The following MYOM1 variants were observed in gnomAD, a reference collection of about 807,000 sequenced individuals.
MYOM1 encodes myomesin-1.
In MYOM1, 164 loss-of-function variants were observed where a neutral mutation model predicts 205.3. The ratio of observed to expected loss-of-function variants is 0.80; its 90% CI spans 0.70 to 0.91. MYOM1 has a LOEUF of 0.91. Ranked by LOEUF, MYOM1 falls within the 40% of genes least tolerant of loss-of-function variation. The pLI is 0.00. For synonymous variants in MYOM1, 772 were observed against 789.4 expected, an observed-to-expected ratio of 0.98 and a Z score of 0.37; for missense variants, 2,011 against 2,127.3, an observed-to-expected ratio of 0.95 and a Z score of 1.08.
At chr18:3,129,765 T>C (rs2079849002) in intron 17 of MYOM1, among the ~76,000 whole-genome samples, 1 of 152,126 alleles carries the variant, frequency 6.6e-6, no homozygotes, top group Non-Finnish European at 1.5e-5. Context: ...AAGCCAAAGA[T>C]AGAATAGGAA....
chr18:3,215,131 C>T lies in MYOM1; in HGVS notation c.93G>A (p.Arg31=), dbSNP rs876657536. 5.6e-6 allele frequency: 9 copies of T among 1,613,682 alleles called. No homozygotes were observed. The African/African-American group carries it at 8.0e-5, about 14-fold the overall frequency. Reference sequence around the variant, plus strand: ...TGTAGACGGCGGAGCGTTTCTTCTCCCGCTGGTAGTGACTCACGGTGCTGC... The same window carrying T: ...TGTAGACGGCGGAGCGTTTCTTCTCTCGCTGGTAGTGACTCACGGTGCTGC... The part of the protein sequence containing the change: ...DVRSTVSHYQ[R]EKKRSAVYTQ... Residue 31 remains arginine (R), a synonymous_variant, in exon 2 of 38, where the codon CGG becomes CGA. Transcript: ENST00000356443.
chr18:3,126,663 C>T (rs766023282), intron 19 of MYOM1, 38 bp downstream of exon 19: 2 of 1,578,296 alleles, frequency 1.3e-6, no homozygotes, highest in Admixed American at 1.7e-5. Flanking sequence ...TAGCGTCATA[C>T]ATAGGACACG....
intron 8 of MYOM1, among the ~76,000 whole-genome samples, chr18:3,170,360 C>T (rs2080539192): frequency 6.6e-6 from 1 of 152,096 alleles, no homozygotes; most frequent in Admixed American, 6.6e-5. Flanking sequence ...ACATTGTATG[C>T]TTGTATCTAA....
chr18:3,137,040 T>C (rs2079978342), intron 14 of MYOM1, among the ~76,000 whole-genome samples: 1 of 151,642 alleles, frequency 6.6e-6, no homozygotes, highest in South Asian at 2.1e-4. Flanking sequence ...AAGCTCCGCC[T>C]CCTGGGTTCA....
In MYOM1 at chr18:3,083,854, C is replaced by G; in HGVS notation, c.4419G>C (p.Glu1473Asp). 6.3e-7 allele frequency: 1 copy of G among 1,583,244 alleles called. No individual in the cohort carries two copies. The highest frequency in any genetic ancestry group is 8.6e-7 in the Non-Finnish European group (1 of 1,163,290). The change falls in exon 33 of 38, where the codon GAG (glutamate) becomes GAC (aspartate). Residue 1473 changes from glutamate (E) to aspartate (D), a missense_variant. Transcript: ENST00000356443. Reference protein sequence around the residue: ...ATDLKIQSTAEGIQLYSFVTY... With the variant: ...ATDLKIQSTADGIQLYSFVTY... ...TTACAAAAGAGTACAGTTGGATGCCCTCGGCTGTGCTCTGGATTTTCAGGT... is the reference window on the plus strand; with the variant it reads ...TTACAAAAGAGTACAGTTGGATGCCGTCGGCTGTGCTCTGGATTTTCAGGT...
intron 3 of MYOM1, among the ~76,000 whole-genome samples, chr18:3,191,143 G>A (rs77510043): frequency 0.011 from 1,720 of 152,218 alleles, 36 homozygotes; most frequent in African/African-American, 0.038. Context: ...GTTGACAAAA[G>A]TATACTACTA....
At position 3,132,118 on chromosome 18, in the gene MYOM1, G is replaced by GTATATATATATA. The variant is rs1555621173; in HGVS notation, c.2385-634_2385-623dup. Among the ~76,000 whole-genome samples, 1,230 of 143,388 alleles carry GTATATATATATA rather than the reference G, an allele frequency of 8.6e-3. 17 individuals carry two copies. The highest frequency in any genetic ancestry group is 0.062 in the East Asian group (310 of 4,986). The allele number at this position is 143,388 out of a possible 152,430, so 94.1% of individuals were successfully genotyped here. On this transcript the variant is annotated intron_variant, in intron 16 of 37. Coordinates refer to ENST00000356443, the MANE Select transcript of MYOM1 (RefSeq NM_003803.4). ...TAAAATTATTATTATATATGTGTGT[G>GTATATATATATA]TATATATATATATATATGAGTTATA...
In MYOM1 at chr18:3,173,963, A is replaced by G; in HGVS notation, c.1149T>C (p.Ala383=). 1 of 1,613,512 alleles carries G rather than the reference A, an allele frequency of 6.2e-7. No individual in the cohort carries two copies. The highest frequency in any genetic ancestry group is 8.5e-7 in the Non-Finnish European group (1 of 1,179,526). The stretch of plus-strand genomic sequence containing the variant: ...AGCTGAGGGGCATGGTGGAAGCCCC[A>G]GCGTGGAAGCGAGTCTCATCAAACT... ...KGEFDETRFH[A]GASTMPLSFG... is the part of the protein sequence containing the mutation. The change falls in exon 8 of 38, where the codon GCT becomes GCC. Residue 383 remains alanine (A), a synonymous_variant. Coordinates refer to ENST00000356443, the MANE Select transcript of MYOM1 (RefSeq NM_003803.4).
chr18:3,079,898 A>T (rs1286127852), intron 33 of MYOM1, among the ~76,000 whole-genome samples: 1 of 152,170 alleles, frequency 6.6e-6, no homozygotes, highest in Non-Finnish European at 1.5e-5. Flanking sequence ...CGCCAACACG[A>T]ATGAGGCATG....
At chr18:3,224,978 A>ATTATT in the MYOM1 span, among the ~76,000 whole-genome samples, 1,075 of 127,514 alleles carry the variant, frequency 8.4e-3, 12 homozygotes, top group African/African-American at 0.025. Context: ...TATTAGTATT[A>ATTATT]TTATTTTATT....
At chr18:3,165,969 G>T (rs553919855) in intron 9 of MYOM1, among the ~76,000 whole-genome samples, 340 of 152,312 alleles carry the variant, frequency 2.2e-3, no homozygotes, top group African/African-American at 8.0e-3. Context: ...CTGCAGCTTG[G>T]TGCTCACACT....
intron 26 of MYOM1, among the ~76,000 whole-genome samples, chr18:3,092,714 G>T (rs1334391654): frequency 6.6e-6 from 1 of 152,126 alleles, no homozygotes; most frequent in Non-Finnish European, 1.5e-5. Flanking sequence ...TGCAATTCAT[G>T]CTCCCGAGCC....
intron 13 of MYOM1, among the ~76,000 whole-genome samples, chr18:3,144,310 T>C (rs2143953413): frequency 6.6e-6 from 1 of 152,190 alleles, no homozygotes; most frequent in East Asian, 1.9e-4. Context: ...TTATAAATTC[T>C]AAACTACTAA....
chr18:3,188,616 G>A, intron 4 of MYOM1, 132 bp downstream of exon 4: 1 of 1,030,546 alleles, frequency 9.7e-7, no homozygotes, highest in Non-Finnish European at 1.4e-6. Flanking sequence ...GGGACAGAGT[G>A]AGACTCCATC....
chr18:3,118,804 G>T lies in MYOM1; in HGVS notation c.3118+1065C>A, dbSNP rs569058454. Among the ~76,000 whole-genome samples the T allele has an allele frequency of 1.1e-4, 16 of 152,302 alleles. 1 individual carries two copies. In the South Asian group the frequency reaches 2.5e-3, roughly 24 times the overall value. ...AAATACCAACTGGCCTCAAGGAACT[G>T]CAAGGAAAGAGCAATGTGTTTGTCT... On this transcript the variant is annotated intron_variant, in intron 20 of 37. Coordinates refer to ENST00000356443, the MANE Select transcript of MYOM1 (RefSeq NM_003803.4).
chr18:3,168,761 T>C, intron 9 of MYOM1, 56 bp downstream of exon 9: 1 of 1,572,540 alleles, frequency 6.4e-7, no homozygotes. Flanking sequence ...AGATCTGCAA[T>C]CTGGTCTACA....
chr18:3,232,008 C>T, the MYOM1 span, among the ~76,000 whole-genome samples: 1 of 151,720 alleles, frequency 6.6e-6, no homozygotes, highest in Non-Finnish European at 1.5e-5. Flanking sequence ...TATTTCCTTG[C>T]TTTTTTTAAT....
chr18:3,156,428 A>G (rs2080303202), intron 10 of MYOM1, among the ~76,000 whole-genome samples: 1 of 152,200 alleles, frequency 6.6e-6, no homozygotes, highest in East Asian at 1.9e-4. Context: ...AGCTCAAGCC[A>G]CTTGGGTTTT....
chr18:3,095,788 G>A (rs1230021922), intron 25 of MYOM1, among the ~76,000 whole-genome samples: 3 of 145,276 alleles, frequency 2.1e-5, no homozygotes, highest in Non-Finnish European at 4.4e-5. Flanking sequence ...CTTGGTCCTC[G>A]TTGTCCACAC....
Sources: gnomAD v4.1 joint callset for allele counts (sites outside exome capture counted in the v4.1 genomes callset) on GRCh38, gnomAD v4.1.1 for gene constraint, MANE v1.5 for transcripts, NCBI Gene and HGNC (gene_info 2026-07-23, HGNC 2026-07-21) for gene names.